APBA2: variants seen among roughly 807,000 people sequenced by gnomAD.
The protein encoded by APBA2 is amyloid beta precursor protein binding family A member 2.
In APBA2, 30 loss-of-function variants were observed where a neutral mutation model predicts 75.0. The observed-to-expected ratio is 0.40, with a 90% CI of 0.30 to 0.54. The LOEUF (loss-of-function observed/expected upper bound fraction) is 0.54. Ranked by LOEUF, APBA2 falls within the 20% of genes least tolerant of loss-of-function variation. APBA2 has a pLI of 0.49. For missense variants in APBA2, 801 were observed against 1,016.1 expected (o/e 0.79, Z 2.88); for synonymous variants, 444 against 409.6 (o/e 1.08, Z -1.01).
chr15:28,921,410 TGGG>T (rs2152670456), intron 1 of APBA2, among the ~76,000 whole-genome samples: 1 of 152,264 alleles, frequency 6.6e-6, no homozygotes, highest in East Asian at 1.9e-4. Context: ...CTTGAAGACT[TGGG>T]GGAGAATCAC....
At chr15:28,957,991 G>C (rs756571787) in intron 2 of APBA2, among the ~76,000 whole-genome samples, 1 of 152,184 alleles carries the variant, frequency 6.6e-6, no homozygotes, top group African/African-American at 2.4e-5. Flanking sequence ...CGAGACAGGC[G>C]GGGGAGCATT....
intron 3 of APBA2, among the ~76,000 whole-genome samples, chr15:29,026,927 A>G (rs2040250900): frequency 6.6e-6 from 1 of 152,194 alleles, no homozygotes; most frequent in African/African-American, 2.4e-5. Context: ...TCTCAAAAAA[A>G]CAAGAACAAA....
chr15:28,923,505 C>A (rs2034086896), intron 2 of APBA2, among the ~76,000 whole-genome samples: 1 of 151,430 alleles, frequency 6.6e-6, no homozygotes. Flanking sequence ...GAACAAGCAT[C>A]CCCAGACCTG....
intron 4 of APBA2, among the ~76,000 whole-genome samples, chr15:29,071,861 C>A (rs2042637263): frequency 6.6e-6 from 1 of 151,912 alleles, no homozygotes; most frequent in Non-Finnish European, 1.5e-5. Context: ...AAAGGTCACC[C>A]CTAGAGACAA....
At position 29,075,723 on chromosome 15, in the gene APBA2, T is replaced by C. The variant is rs538307124; in HGVS notation, c.1033-332T>C. ...CGATGGAGTGGTATCCAGTCTCCTT[T>C]ATCTTGCTTTTAAAGATGGGCCTGG... On this transcript the variant is annotated intron_variant, in intron 5 of 14. Transcript: ENST00000683413. 2.0e-5 allele frequency among the ~76,000 whole-genome samples: 3 copies of C among 152,356 alleles called. No homozygotes were observed. The East Asian group carries it at 5.8e-4, about 29-fold the overall frequency.
At chr15:29,115,616 G>T (rs527680694) in intron 14 of APBA2, among the ~76,000 whole-genome samples, 1 of 152,308 alleles carries the variant, frequency 6.6e-6, no homozygotes, top group South Asian at 2.1e-4. Context: ...CCCTGCCGAG[G>T]TTATGGTGCC....
At chr15:28,896,437 C>G (rs1028908821) in intron 1 of APBA2, among the ~76,000 whole-genome samples, 32 of 152,170 alleles carry the variant, frequency 2.1e-4, no homozygotes, top group African/African-American at 7.0e-4. Flanking sequence ...CCGCCACCAC[C>G]CCCGGCTAAT....
intron 6 of APBA2, among the ~76,000 whole-genome samples, chr15:29,085,997 TG>T (rs1363391414): frequency 2.0e-5 from 3 of 152,216 alleles, no homozygotes; most frequent in Non-Finnish European, 2.9e-5. Flanking sequence ...ATGGACTTAC[TG>T]AGCTGCTTCT....
chr15:28,933,873 G>A (rs1288105797), intron 2 of APBA2, among the ~76,000 whole-genome samples: 1 of 152,208 alleles, frequency 6.6e-6, no homozygotes, highest in Non-Finnish European at 1.5e-5. Context: ...CGCAAGGAGG[G>A]GCTGCCCACA....
At chr15:28,909,442 T>A (rs2033321977) in intron 1 of APBA2, among the ~76,000 whole-genome samples, 1 of 152,236 alleles carries the variant, frequency 6.6e-6, no homozygotes, top group Non-Finnish European at 1.5e-5. Flanking sequence ...CGTCAGAACT[T>A]CCTTCCTTCT....
At chr15:28,916,653 A>T (rs2033703497) in intron 1 of APBA2, among the ~76,000 whole-genome samples, 1 of 145,696 alleles carries the variant, frequency 6.9e-6, no homozygotes, top group African/African-American at 2.5e-5. Context: ...CGGACCTGTA[A>T]CTGGGATCTA....
chr15:29,068,862 T>C (rs2042493895), intron 4 of APBA2, among the ~76,000 whole-genome samples: 1 of 152,208 alleles, frequency 6.6e-6, no homozygotes, highest in Non-Finnish European at 1.5e-5. Flanking sequence ...TTTTAAACTG[T>C]AGTAATACAC....
At chr15:28,987,600 T>TTAG (rs1164940189) in intron 2 of APBA2, among the ~76,000 whole-genome samples, 3 of 151,844 alleles carry the variant, frequency 2.0e-5, no homozygotes, top group Non-Finnish European at 4.4e-5. Flanking sequence ...CCTGGTCTCA[T>TTAG]TAGTCATACA....
intron 4 of APBA2, among the ~76,000 whole-genome samples, chr15:29,073,109 G>A (rs2042698027): frequency 1.3e-5 from 2 of 152,104 alleles, no homozygotes; most frequent in African/African-American, 4.8e-5. Flanking sequence ...TGGGAGGGTG[G>A]GCCCAGATCC....
intron 4 of APBA2, among the ~76,000 whole-genome samples, chr15:29,064,379 G>A (rs376624618): frequency 2.0e-3 from 304 of 152,312 alleles, no homozygotes; most frequent in Non-Finnish European, 3.8e-3. Context: ...CACCTGCCAC[G>A]TGGTTGGCAC....
Position 29,052,454 on chromosome 15 carries a change from C to CAA in APBA2, c.-40-1378_-40-1377dup, listed in dbSNP as rs61521872. On this transcript the variant is annotated intron_variant, in intron 3 of 14. Coordinates refer to ENST00000683413, the MANE Select transcript of APBA2 (RefSeq NM_001353788.2). ...TGGGCGACAGAGCGAGACTCCATCT[C>CAA]AAAAAAAAAAAAAAGAAGTAGAACG... is the stretch of plus-strand genomic sequence containing the variant. Among the ~76,000 whole-genome samples the CAA allele has an allele frequency of 4.8e-5, 5 of 103,162 alleles. 1 individual carries two copies. Among genetic ancestry groups the CAA allele is most frequent in the Non-Finnish European group, 5.4e-5 (3 of 55,568 alleles). 67.7% of individuals were successfully genotyped at this position (103,162 alleles called of 152,430 possible). A position where few individuals can be genotyped will look rare whatever the true frequency, so the allele number is the denominator to read the frequency against.
At chr15:29,048,289 C>T (rs1994598) in intron 3 of APBA2, among the ~76,000 whole-genome samples, 5,047 of 152,094 alleles carry the variant, frequency 0.033, 294 homozygotes, top group African/African-American at 0.12. Flanking sequence ...CAGAGACTGC[C>T]GTGAGCTGGG....
Position 28,991,715 on chromosome 15 carries a change from C to T in APBA2, c.-94-4038C>T, listed in dbSNP as rs957893212. Among the ~76,000 whole-genome samples, 5 of 152,198 alleles carry T rather than the reference C, an allele frequency of 3.3e-5. No homozygotes were observed. Among genetic ancestry groups the T allele is most frequent in the Non-Finnish European group, 1.5e-5 (1 of 68,034 alleles). ...GTCTTTGATGCACCCTGATGCCTCC[C>T]CCATCCTGCTGACCATGGTGCTCAG... On this transcript the variant is annotated intron_variant, in intron 2 of 14. Transcript: ENST00000683413. This position sits in a 1 kb window ranked among gnomAD's most constrained non-coding sequence, Gnocchi z 4.7.
At chr15:28,946,669 C>G (rs1005116847) in intron 2 of APBA2, among the ~76,000 whole-genome samples, 2 of 152,326 alleles carry the variant, frequency 1.3e-5, no homozygotes, top group Admixed American at 1.3e-4. Context: ...ACCTCCACCT[C>G]TTAGGTTCAA....
Sources: gnomAD v4.1 joint callset for allele counts (sites outside exome capture counted in the v4.1 genomes callset) on GRCh38, gnomAD v4.1.1 for gene constraint, Gnocchi (gnomAD v3.1) non-coding constraint, MANE v1.5 for transcripts, NCBI Gene and HGNC (gene_info 2026-07-23, HGNC 2026-07-21) for gene names.